The following OSGIN2 variants were observed in gnomAD, a reference collection of about 807,000 sequenced individuals.
OSGIN2 encodes the protein oxidative stress induced growth inhibitor family member 2, also known as oxidative stress-induced growth inhibitor 2.
A neutral mutation model predicts 53.8 loss-of-function variants in OSGIN2; 19 were observed. The ratio of observed to expected loss-of-function variants is 0.35; its 90% CI spans 0.25 to 0.52. The LOEUF (loss-of-function observed/expected upper bound fraction) is 0.52, where lower values mean the gene tolerates loss of function less well. Among genes scored for constraint, OSGIN2 ranks in the 20% least tolerant of loss-of-function variants. The probability of loss-of-function intolerance (pLI) is 0.95; values close to 1 mark genes in which losing one functional copy is unlikely to be tolerated. For synonymous variants in OSGIN2, 236 were observed against 236.0 expected, an observed-to-expected ratio of 1.00 and a Z score of 0.00; for missense variants, 520 against 662.7, an observed-to-expected ratio of 0.78 and a Z score of 2.36.
intron 1 of OSGIN2, among the ~76,000 whole-genome samples, chr8:89,907,442 T>A (rs866426983): frequency 2.6e-5 from 4 of 152,166 alleles, no homozygotes; most frequent in Middle Eastern, 3.2e-3. Context: ...TTTTTGTATG[T>A]GGTATAAGGA....
At chr8:89,909,746 A>AAAATTAT (rs777869606) in intron 2 of OSGIN2, 25 bp downstream of exon 2, 1 of 1,466,430 alleles carries the variant, frequency 6.8e-7, no homozygotes, top group South Asian at 1.2e-5. Context: ...TTTATCTTTT[A>AAAATTAT]AAATTATAGT....
chr8:89,914,950 C>G (rs1809045535), intron 4 of OSGIN2, among the ~76,000 whole-genome samples: 1 of 152,124 alleles, frequency 6.6e-6, no homozygotes, highest in Admixed American at 6.5e-5. Context: ...CTGGTACAGT[C>G]TTAGAATAAG....
chr8:89,925,181 C>A lies in OSGIN2; in HGVS notation c.1299C>A (p.Asp433Glu). 6.2e-7 allele frequency: 1 copy of A among 1,614,098 alleles called. No homozygotes were observed. Reference protein sequence around the residue: ...PEHRVLSFKSDMKCVLQSVSG... With the variant: ...PEHRVLSFKSEMKCVLQSVSG... The stretch of plus-strand genomic sequence containing the variant: ...ACCGTGTGCTTTCCTTTAAGTCGGA[C>A]ATGAAATGTGTTCTCCAAAGCGTTT... Residue 433 changes from aspartate to glutamate, a missense_variant, in exon 6 of 6, where the codon GAC becomes GAA. By Grantham distance (45) the Asp-to-Glu change is conservative (BLOSUM62 2). Coordinates refer to ENST00000451899, the MANE Select transcript of OSGIN2 (RefSeq NM_001126111.3).
chr8:89,912,371 T>C (rs1808984681), intron 2 of OSGIN2, among the ~76,000 whole-genome samples: 1 of 152,200 alleles, frequency 6.6e-6, no homozygotes, highest in South Asian at 2.1e-4. Context: ...GACAAAACCA[T>C]TTCACTGAGA....
chr8:89,916,109 A>T (rs1337743217), intron 4 of OSGIN2, among the ~76,000 whole-genome samples: 5 of 152,148 alleles, frequency 3.3e-5, no homozygotes, highest in African/African-American at 4.8e-5. Flanking sequence ...TCTTAATTTT[A>T]AAAAAAGCCA....
rs1463742391 is a variant in OSGIN2 at position 89,909,739 on chromosome 8, A to C, written c.199+18A>C. 2 of 1,506,176 alleles carry C rather than the reference A, an allele frequency of 1.3e-6. No homozygotes were observed. Among genetic ancestry groups the C allele is most frequent in the South Asian group, 2.4e-5 (2 of 84,204 alleles). The allele number at this position is 1,506,176 out of a possible 1,614,324, so 93.3% of individuals were successfully genotyped here. A position where few individuals can be genotyped will look rare whatever the true frequency, so the allele number is the denominator to read the frequency against. On this transcript the variant is annotated intron_variant, in intron 2 of 5. Transcript: ENST00000451899. ...AATAATAGGTAAGTTATTGTATTTT[A>C]TCTTTTAAAATTATAGTTAATGACC...
chr8:89,904,053 C>T (rs1342622196), intron 1 of OSGIN2, among the ~76,000 whole-genome samples: 2 of 152,182 alleles, frequency 1.3e-5, no homozygotes, highest in East Asian at 3.8e-4. Context: ...GCTTGTCTAA[C>T]CTCTCAGTGA....
chr8:89,920,092 C>T (rs1331630799), intron 4 of OSGIN2, among the ~76,000 whole-genome samples: 1 of 152,130 alleles, frequency 6.6e-6, no homozygotes, highest in Admixed American at 6.5e-5. Flanking sequence ...GTGAAACTCT[C>T]AGGTTCCAAA....
In OSGIN2 at chr8:89,925,397, A is replaced by G. The variant is rs1462193773; in HGVS notation, c.1515A>G (p.Ala505=). 6.2e-7 allele frequency: 1 copy of G among 1,614,126 alleles called. No individual in the cohort carries two copies. Among genetic ancestry groups the G allele is most frequent in the East Asian group, 2.2e-5 (1 of 44,886 alleles). ...GTATTAAAGAAGCCAACCTTTTTGC[A>G]TTGGGTCCTTTGGTTGGAGACAATT... The part of the protein sequence containing the change: ...YECIKEANLF[A]LGPLVGDNFV... The change falls in exon 6 of 6, where the codon GCA becomes GCG. Residue 505 remains alanine, a synonymous_variant. Coordinates refer to ENST00000451899, the MANE Select transcript of OSGIN2 (RefSeq NM_001126111.3).
rs766604634 is a variant in OSGIN2 at position 89,925,015 on chromosome 8, G to A, written c.1133G>A (p.Arg378Gln). The A allele has an allele frequency of 1.4e-5, 22 of 1,613,890 alleles. No homozygotes were observed. The highest frequency in any genetic ancestry group is 1.0e-4 in the Admixed American group (6 of 59,996). Residue 378 changes from arginine (R) to glutamine (Q), a missense_variant, in exon 6 of 6, where the codon CGA (arginine) becomes CAA (glutamine). Physicochemically the swap from Arg to Gln is conservative, Grantham distance 43. Around this residue, in one of 3 missense-constraint regions of OSGIN2, gnomAD observed 239 missense variants for 328.3 expected, o/e 0.73. Coordinates refer to ENST00000451899, the MANE Select transcript of OSGIN2 (RefSeq NM_001126111.3). Reference protein sequence around the residue: ...NIPVIHVFRRRVTDPSLIFKQ... With the variant: ...NIPVIHVFRRQVTDPSLIFKQ... ...CCTGTGATTCATGTGTTTCGCAGAC[G>A]AGTAACTGATCCAAGCTTAATTTTC... is the stretch of plus-strand genomic sequence containing the variant.
chr8:89,916,410 C>A (rs1809080100), intron 4 of OSGIN2, among the ~76,000 whole-genome samples: 1 of 152,058 alleles, frequency 6.6e-6, no homozygotes, highest in Non-Finnish European at 1.5e-5. Flanking sequence ...CAGCTGTGTA[C>A]CAGTTGCCAG....
chr8:89,912,564 G>T (rs1003550477), intron 2 of OSGIN2, among the ~76,000 whole-genome samples: 1 of 152,040 alleles, frequency 6.6e-6, no homozygotes, highest in South Asian at 2.1e-4. Context: ...TGGCCAACAC[G>T]CTGAAACCCC....
chr8:89,912,070 C>T (rs1282078125), intron 2 of OSGIN2, among the ~76,000 whole-genome samples: 1 of 151,918 alleles, frequency 6.6e-6, no homozygotes, highest in Non-Finnish European at 1.5e-5. Flanking sequence ...TATGGTTTTA[C>T]TTTTCTTATA....
rs2130719480 is a variant in OSGIN2 at position 89,925,706 on chromosome 8, G to A, written c.*174G>A. 1.8e-6 allele frequency: 1 copy of A among 553,380 alleles called. No homozygotes were observed. Among genetic ancestry groups the A allele is most frequent in the Non-Finnish European group, 3.2e-6 (1 of 313,434 alleles). 34.3% of individuals were successfully genotyped at this position (553,380 alleles called of 1,614,324 possible). On this transcript the variant is annotated 3_prime_UTR_variant, in exon 6 of 6. Transcript: ENST00000451899. ...ATTTGGTATCCTGATTTATATTGCA[G>A]TGTTTCAAAGGTGTCACTGTCAGAC...
intron 5 of OSGIN2, among the ~76,000 whole-genome samples, chr8:89,922,586 TAA>T (rs1222479510): frequency 1.3e-5 from 2 of 152,220 alleles, no homozygotes; most frequent in Non-Finnish European, 2.9e-5. Flanking sequence ...TGCCTTTGTA[TAA>T]AGAGAAGACT....
intron 4 of OSGIN2, 77 bp downstream of exon 4, chr8:89,914,823 A>C: frequency 9.9e-7 from 1 of 1,009,612 alleles, no homozygotes; most frequent in Non-Finnish European, 1.5e-6. Context: ...CTTAAGCATT[A>C]TGATAATGTT....
At chr8:89,904,236 CTAAA>C (rs1808789825) in intron 1 of OSGIN2, among the ~76,000 whole-genome samples, 1 of 152,174 alleles carries the variant, frequency 6.6e-6, no homozygotes, top group African/African-American at 2.4e-5. Flanking sequence ...ACTTGTTAAA[CTAAA>C]TAAAGCCCAT....
At chr8:89,908,091 G>A (rs964630802) in intron 1 of OSGIN2, among the ~76,000 whole-genome samples, 1 of 152,176 alleles carries the variant, frequency 6.6e-6, no homozygotes, top group Non-Finnish European at 1.5e-5. Flanking sequence ...GGACAGAGCA[G>A]AATATAAAAC....
rs1311041988 is a variant in OSGIN2 at position 89,927,284 on chromosome 8, G to C, written c.*1752G>C. 1.6e-5 allele frequency: 2 copies of C among 128,620 alleles called. No individual in the cohort carries two copies. Among genetic ancestry groups the C allele is most frequent in the Non-Finnish European group, 3.1e-5 (2 of 65,038 alleles). The allele number at this position is 128,620 out of a possible 1,614,324, so 8.0% of individuals were successfully genotyped here. A position where few individuals can be genotyped will look rare whatever the true frequency, so the allele number is the denominator to read the frequency against. ...CAAACAATGGCTTTTTTTGTGATGAGAGTATTTGTTAAAAAAAAAAAAAGA... is the reference window on the plus strand; with the variant it reads ...CAAACAATGGCTTTTTTTGTGATGACAGTATTTGTTAAAAAAAAAAAAAGA... On this transcript the variant is annotated 3_prime_UTR_variant, in exon 6 of 6. Coordinates refer to ENST00000451899, the MANE Select transcript of OSGIN2 (RefSeq NM_001126111.3).
Sources: gnomAD v4.1 joint callset for allele counts (sites outside exome capture counted in the v4.1 genomes callset) on GRCh38, gnomAD v4.1.1 for gene constraint, gnomAD v4.1.1 regional missense constraint, MANE v1.5 for transcripts, NCBI Gene and HGNC (gene_info 2026-07-23, HGNC 2026-07-21) for gene names.